ADGRB3: variants seen among roughly 807,000 people sequenced by gnomAD.
The protein encoded by ADGRB3 is adhesion G protein-coupled receptor B3.
ADGRB3 carries 37 observed loss-of-function variants against 193.4 expected under a neutral mutation model. That is an observed-to-expected ratio of 0.19 (90% CI 0.15 to 0.25). The LOEUF is 0.25. ADGRB3 is among the 10% of genes least tolerant of loss of function. The probability of loss-of-function intolerance (pLI) is 1.00; values close to 1 mark genes in which losing one functional copy is unlikely to be tolerated. For synonymous variants in ADGRB3, 690 were observed against 644.2 expected (o/e 1.07, Z -1.08); for missense variants, 1,637 against 1,852.9 (o/e 0.88, Z 2.14).
chr6:69,005,179 C>T (rs1018074633), intron 11 of ADGRB3, among the ~76,000 whole-genome samples: 2 of 151,940 alleles, frequency 1.3e-5, no homozygotes, highest in African/African-American at 2.4e-5. Flanking sequence ...GTATCATTAA[C>T]TATTTTTACC....
intron 3 of ADGRB3, among the ~76,000 whole-genome samples, chr6:68,854,295 A>T (rs576082511): frequency 6.6e-6 from 1 of 152,160 alleles, no homozygotes; most frequent in East Asian, 1.9e-4. Context: ...GTTAAATAGG[A>T]AGAATAACAT....
At chr6:68,865,572 C>T (rs979924804) in intron 3 of ADGRB3, among the ~76,000 whole-genome samples, 12 of 152,172 alleles carry the variant, frequency 7.9e-5, no homozygotes, top group African/African-American at 2.7e-4. Flanking sequence ...CCATCTTCAG[C>T]CCTCATCATG....
intron 17 of ADGRB3, among the ~76,000 whole-genome samples, chr6:69,202,323 C>G (rs1765442080): frequency 6.6e-6 from 1 of 152,034 alleles, no homozygotes; most frequent in Non-Finnish European, 1.5e-5. Flanking sequence ...ACTAAAACCT[C>G]TATACTTTTC....
At chr6:69,229,410 A>G (rs931636728) in intron 17 of ADGRB3, among the ~76,000 whole-genome samples, 2 of 152,156 alleles carry the variant, frequency 1.3e-5, no homozygotes, top group African/African-American at 2.4e-5. Flanking sequence ...TACACATACA[A>G]TGTGAGGGTA....
chr6:68,698,471 C>A (rs981555597), intron 3 of ADGRB3, among the ~76,000 whole-genome samples: 1 of 151,804 alleles, frequency 6.6e-6, no homozygotes, highest in African/African-American at 2.4e-5. Context: ...TAGGAAGGTT[C>A]GTGTATTAAT....
intron 20 of ADGRB3, among the ~76,000 whole-genome samples, chr6:69,310,029 A>G (rs1462240334): frequency 6.6e-6 from 1 of 151,642 alleles, no homozygotes; most frequent in Non-Finnish European, 1.5e-5. Flanking sequence ...CACAACTTTT[A>G]TGTTTGTGGG....
At position 68,814,747 on chromosome 6, in the gene ADGRB3, G is replaced by A. The variant is rs545651445; in HGVS notation, c.758-115812G>A. On this transcript the variant is annotated intron_variant, in intron 3 of 31. Transcript: ENST00000370598. ...ATGCAAAAATCCTTAATAAAATACTGGCAAACCGAATCCAGCAGCACATCA... is the reference window on the plus strand; with the variant it reads ...ATGCAAAAATCCTTAATAAAATACTAGCAAACCGAATCCAGCAGCACATCA... Among the ~76,000 whole-genome samples the A allele has an allele frequency of 1.9e-3, 272 of 145,932 alleles. 1 individual carries two copies. The highest frequency in any genetic ancestry group is 0.011 in the South Asian group (54 of 4,706).
At chr6:68,710,656 G>T (rs1765394132) in intron 3 of ADGRB3, among the ~76,000 whole-genome samples, 1 of 152,130 alleles carries the variant, frequency 6.6e-6, no homozygotes, top group Admixed American at 6.6e-5. Context: ...CCTCTGCAGT[G>T]TATATCTCTA....
At chr6:69,178,367 A>G (rs2150350424) in intron 17 of ADGRB3, among the ~76,000 whole-genome samples, 2 of 152,192 alleles carry the variant, frequency 1.3e-5, no homozygotes, top group East Asian at 1.9e-4. Context: ...GACAGTAGAC[A>G]AATGGTTCTT....
intron 3 of ADGRB3, among the ~76,000 whole-genome samples, chr6:68,733,797 A>G (rs966595661): frequency 4.6e-5 from 7 of 152,094 alleles, no homozygotes; most frequent in African/African-American, 1.4e-4. Context: ...TAACTTAAAG[A>G]ACGTAAGAAT....
intron 3 of ADGRB3, among the ~76,000 whole-genome samples, chr6:68,651,663 A>G (rs543963336): frequency 6.6e-6 from 1 of 152,260 alleles, no homozygotes; most frequent in African/African-American, 2.4e-5. Flanking sequence ...ATACAACATT[A>G]TCTCCCCTTA....
chr6:68,713,808 A>C (rs1304845384), intron 3 of ADGRB3, among the ~76,000 whole-genome samples: 1 of 151,716 alleles, frequency 6.6e-6, no homozygotes, highest in Non-Finnish European at 1.5e-5. Flanking sequence ...TATGAATTTG[A>C]AATTAATATT....
intron 17 of ADGRB3, among the ~76,000 whole-genome samples, chr6:69,099,756 A>G (rs1045494962): frequency 6.6e-6 from 1 of 152,190 alleles, no homozygotes; most frequent in Non-Finnish European, 1.5e-5. Flanking sequence ...CTTCATCACT[A>G]CAGTGTAATG....
intron 3 of ADGRB3, among the ~76,000 whole-genome samples, chr6:68,801,163 T>A (rs1235916521): frequency 6.6e-6 from 1 of 152,198 alleles, no homozygotes; most frequent in Non-Finnish European, 1.5e-5. Context: ...GTCCTCCTCC[T>A]CTGTCCTGTG....
intron 28 of ADGRB3, among the ~76,000 whole-genome samples, chr6:69,356,168 A>G: frequency 6.6e-6 from 1 of 152,142 alleles, no homozygotes; most frequent in East Asian, 1.9e-4. Context: ...CCATAGGGAA[A>G]GGGGAAACAT....
At chr6:69,263,326 A>G (rs1245685943) in intron 20 of ADGRB3, among the ~76,000 whole-genome samples, 1 of 152,048 alleles carries the variant, frequency 6.6e-6, no homozygotes, top group African/African-American at 2.4e-5. Context: ...ATAATTGGTG[A>G]TGATACAGAA....
chr6:69,327,295 G>A (rs1768595959), intron 21 of ADGRB3, among the ~76,000 whole-genome samples: 1 of 152,126 alleles, frequency 6.6e-6, no homozygotes, highest in South Asian at 2.1e-4. Flanking sequence ...GTAGGTAATT[G>A]AACTCCCTGT....
chr6:68,829,257 G>A (rs1453266298), intron 3 of ADGRB3, among the ~76,000 whole-genome samples: 1 of 151,660 alleles, frequency 6.6e-6, no homozygotes, highest in Non-Finnish European at 1.5e-5. Context: ...CCGCCACCAT[G>A]CCCAGCTAAT....
chr6:68,795,688 T>C (rs1767193638), intron 3 of ADGRB3, among the ~76,000 whole-genome samples: 1 of 152,080 alleles, frequency 6.6e-6, no homozygotes, highest in Non-Finnish European at 1.5e-5. Context: ...TGAAAAAAGG[T>C]TAAGCTAAGT....
Sources: gnomAD v4.1 joint callset for allele counts (sites outside exome capture counted in the v4.1 genomes callset) on GRCh38, gnomAD v4.1.1 for gene constraint, MANE v1.5 for transcripts, NCBI Gene and HGNC (gene_info 2026-07-23, HGNC 2026-07-21) for gene names.